NKAIN4: variants seen among roughly 807,000 people sequenced by gnomAD.
The protein encoded by NKAIN4 is sodium/potassium transporting ATPase interacting 4.
In NKAIN4, 28 loss-of-function variants were observed where a neutral mutation model predicts 28.8. That is an observed-to-expected ratio of 0.97 (90% CI 0.72 to 1.33). The LOEUF is 1.33. Ranked by LOEUF, NKAIN4 falls within the 40% of genes most tolerant of loss-of-function variation. The pLI is 0.00. For missense variants in NKAIN4, 289 were observed against 277.2 expected, an observed-to-expected ratio of 1.04 and a Z score of -0.30; for synonymous variants, 122 against 115.6, an observed-to-expected ratio of 1.06 and a Z score of -0.36.
intron 4 of NKAIN4, chr20:63,246,969 G>A (rs2066869875): frequency 1.9e-5 from 19 of 992,792 alleles, no homozygotes; most frequent in Middle Eastern, 5.1e-4. Flanking sequence ...CTACCAACCC[G>A]TGCAGGGCCG....
chr20:63,243,871 C>G (rs1256350859), intron 5 of NKAIN4, 153 bp downstream of exon 5: 1 of 635,460 alleles, frequency 1.6e-6, no homozygotes, highest in East Asian at 2.8e-5. Flanking sequence ...GGCGAGTCCT[C>G]GCTCAGGCCT....
At position 63,243,764 on chromosome 20, in the gene NKAIN4, C is replaced by T. The variant is rs544743193; in HGVS notation, c.532+260G>A. ...GTGGCCACTGCGGGGATCATGAGGG[C>T]AGGCCCAGCCCAAAGCACAGGAGTC... On this transcript the variant is annotated intron_variant, in intron 5 of 6. Coordinates refer to ENST00000370316, the MANE Select transcript of NKAIN4 (RefSeq NM_152864.4). 1.2e-5 allele frequency: 5 copies of T among 402,170 alleles called. No individual in the cohort carries two copies. The East Asian group carries it at 2.2e-4, about 17-fold the overall frequency. The allele number at this position is 402,170 out of a possible 1,614,324, so 24.9% of individuals were successfully genotyped here.
At chr20:63,254,202 G>A in intron 1 of NKAIN4, 195 bp downstream of exon 1, 1 of 456,246 alleles carries the variant, frequency 2.2e-6, no homozygotes, top group South Asian at 4.3e-5. Context: ...ACGGGACCCG[G>A]CGCCGCGACT....
chr20:63,254,102 C>T (rs1422240174), intron 1 of NKAIN4: 7 of 428,164 alleles, frequency 1.6e-5, no homozygotes, highest in Admixed American at 3.5e-5. Flanking sequence ...CGCCCGAAGG[C>T]TTCCGTCCGG....
In NKAIN4 at chr20:63,245,720, C is replaced by T. The variant is rs569905676; in HGVS notation, c.472-1636G>A. On this transcript the variant is annotated intron_variant, in intron 4 of 6. Transcript: ENST00000370316. The surrounding 1 kb of genome is among the most constrained non-coding windows in gnomAD (Gnocchi z 4.7). ...CCAGCCTCTCCCAGACCCTCCAAAGCAAACAGCAGGGGCGAGATCCTAGCG... is the reference window on the plus strand; with the variant it reads ...CCAGCCTCTCCCAGACCCTCCAAAGTAAACAGCAGGGGCGAGATCCTAGCG... 5.2e-4 allele frequency among the ~76,000 whole-genome samples: 79 copies of T among 152,266 alleles called. No homozygotes were observed. The highest frequency in any genetic ancestry group is 1.8e-3 in the African/African-American group (74 of 41,542).
intron 4 of NKAIN4, 66 bp downstream of exon 4, chr20:63,247,512 C>T (rs1370790231): frequency 1.3e-6 from 2 of 1,548,420 alleles, no homozygotes; most frequent in African/African-American, 2.7e-5. Flanking sequence ...GGAGATGAGC[C>T]CCCAGCTCCA....
upstream of NKAIN4, chr20:63,254,616 T>C (rs1302929227): frequency 1.1e-5 from 5 of 462,694 alleles, no homozygotes; most frequent in Non-Finnish European, 1.7e-5. Flanking sequence ...ACAGCTGCGC[T>C]GCGTCTCCCC....
chr20:63,248,161 C>T (rs186009205), intron 3 of NKAIN4: 54 of 183,896 alleles, frequency 2.9e-4, no homozygotes, highest in Non-Finnish European at 5.1e-4. Flanking sequence ...AGCGGGGGCC[C>T]GTCTGCCTGG....
Position 63,252,701 on chromosome 20 carries a change from C to T in NKAIN4, c.54+1696G>A, listed in dbSNP as rs771027703. Among the ~76,000 whole-genome samples, 6 of 152,158 alleles carry T rather than the reference C, an allele frequency of 3.9e-5. No individual in the cohort carries two copies. The highest frequency in any genetic ancestry group is 8.8e-5 in the Non-Finnish European group (6 of 68,032). ...GCTCTGCCCAGTCCCTGGAGAGTCC[C>T]CAGGTCTGCTAGTGAAGCCCTGCGG... On this transcript the variant is annotated intron_variant, in intron 1 of 6. Transcript: ENST00000370316. This position sits in a 1 kb window ranked among gnomAD's most constrained non-coding sequence, Gnocchi z 4.6.
chr20:63,253,092 G>T, intron 1 of NKAIN4: 2 of 495,636 alleles, frequency 4.0e-6, no homozygotes, highest in Non-Finnish European at 5.2e-6. Context: ...GCTGGTGCCT[G>T]TCCTTCATGA....
Position 63,250,025 on chromosome 20 carries a change from C to CAGGAAGT in NKAIN4, c.101_102insACTTCCT (p.Trp34Ter), listed in dbSNP as rs2066928496. On this transcript the variant is annotated stop_gained and frameshift_variant, in exon 2 of 7. Transcript: ENST00000370316. LOFTEE classifies it high-confidence loss of function. ...GGACAAAGTTGGCCAGGATGGGCGCCCACTGGTAGCCCAGGAAGTCAAACA... is the reference window on the plus strand; with the variant it reads ...GGACAAAGTTGGCCAGGATGGGCGCCAGGAAGTCACTGGTAGCCCAGGAAGTCAAACA... 1 of 1,604,550 alleles carries CAGGAAGT rather than the reference C, an allele frequency of 6.2e-7. No homozygotes were observed. The highest frequency in any genetic ancestry group is 8.5e-7 in the Non-Finnish European group (1 of 1,176,344).
At chr20:63,241,574 C>G in intron 6 of NKAIN4, 68 bp from the exon 7 acceptor site, 1 of 1,423,990 alleles carries the variant, frequency 7.0e-7, no homozygotes, top group Middle Eastern at 1.7e-4. Flanking sequence ...GCTGCCACCC[C>G]CTCCCCTTGG....
In NKAIN4 at chr20:63,245,831, C is replaced by T. The variant is rs990158268; in HGVS notation, c.471+1747G>A. On this transcript the variant is annotated intron_variant, in intron 4 of 6. Transcript: ENST00000370316. The surrounding 1 kb of genome is among the most constrained non-coding windows in gnomAD (Gnocchi z 4.7). ...GTCAGGATAAAAGCCAACAGGAGGCCCCATCTCCCCAACCATGCAGAGTGC... is the reference window on the plus strand; with the variant it reads ...GTCAGGATAAAAGCCAACAGGAGGCTCCATCTCCCCAACCATGCAGAGTGC... Among the ~76,000 whole-genome samples, 12 of 152,070 alleles carry T rather than the reference C, an allele frequency of 7.9e-5. No homozygotes were observed. The highest frequency in any genetic ancestry group is 2.9e-4 in the African/African-American group (12 of 41,422).
intron 5 of NKAIN4, chr20:63,243,764 C>A (rs544743193): frequency 2.5e-6 from 1 of 402,290 alleles, no homozygotes; most frequent in African/African-American, 2.0e-5. Flanking sequence ...ATCATGAGGG[C>A]AGGCCCAGCC....
intron 2 of NKAIN4, chr20:63,249,396 A>C (rs955949278): frequency 1.1e-5 from 2 of 187,910 alleles, no homozygotes; most frequent in Non-Finnish European, 2.3e-5. Context: ...CACAGCACCT[A>C]AGGTATTTAC....
chr20:63,247,892 T>G, intron 3 of NKAIN4, 117 bp from the exon 4 acceptor site: 1 of 1,303,852 alleles, frequency 7.7e-7, no homozygotes, highest in Admixed American at 3.7e-5. Context: ...TCCTCTCACC[T>G]CCCCTGTCCT....
At chr20:63,241,941 G>A (rs548424595) in intron 6 of NKAIN4, among the ~76,000 whole-genome samples, 40 of 152,288 alleles carry the variant, frequency 2.6e-4, no homozygotes, top group African/African-American at 8.9e-4. Context: ...GGGCTACCCA[G>A]GGGCGTGCCA....
intron 4 of NKAIN4, 106 bp from the exon 5 acceptor site, chr20:63,244,190 C>T: frequency 1.1e-6 from 1 of 909,276 alleles, no homozygotes. Context: ...CCACCAAGGC[C>T]CTGCCTCTCC....
chr20:63,253,838 G>A (rs2067004733), intron 1 of NKAIN4: 1 of 153,006 alleles, frequency 6.5e-6, no homozygotes, highest in African/African-American at 2.4e-5. Context: ...GCGGAATGGG[G>A]GGCGGCGGGG....
Sources: allele counts gnomAD v4.1 joint callset (sites outside exome capture counted in the v4.1 genomes callset), GRCh38; gene constraint gnomAD v4.1.1; non-coding constraint Gnocchi (gnomAD v3.1); transcripts MANE v1.5; gene names NCBI Gene and HGNC (gene_info 2026-07-23, HGNC 2026-07-21).